The following CELF4 variants were observed in gnomAD, a reference collection of about 807,000 sequenced individuals.
CELF4 encodes CUGBP Elav-like family member 4, also known as CUG-BP- and ETR-3-like factor 4.
Under a neutral mutation model 59.9 loss-of-function variants are expected in CELF4, and 18 were observed. The observed-to-expected ratio is 0.30, with a 90% confidence interval of 0.21 to 0.45. The LOEUF (loss-of-function observed/expected upper bound fraction) is 0.45, where lower values mean the gene tolerates loss of function less well. Ranked by LOEUF, CELF4 falls within the 20% of genes least tolerant of loss-of-function variation. CELF4 has a pLI of 1.00. For synonymous variants in CELF4, 261 were observed against 267.1 expected, an observed-to-expected ratio of 0.98 and a Z score of 0.22; for missense variants, 456 against 689.0, an observed-to-expected ratio of 0.66 and a Z score of 3.79.
At chr18:37,458,137 G>A (rs183125581) in intron 2 of CELF4, among the ~76,000 whole-genome samples, 7 of 152,296 alleles carry the variant, frequency 4.6e-5, no homozygotes, top group Non-Finnish European at 7.4e-5. Context: ...GCCCTTTCCC[G>A]GGACGGCTAA....
At chr18:37,262,411 G>A (rs1353386173) in intron 10 of CELF4, among the ~76,000 whole-genome samples, 1 of 152,026 alleles carries the variant, frequency 6.6e-6, no homozygotes, top group Non-Finnish European at 1.5e-5. Flanking sequence ...GGGGAGGGGG[G>A]GGCAGGAATT....
At chr18:37,428,054 G>C (rs1415498291) in intron 2 of CELF4, among the ~76,000 whole-genome samples, 1 of 152,248 alleles carries the variant, frequency 6.6e-6, no homozygotes, top group Non-Finnish European at 1.5e-5. Context: ...AAGTATGTCT[G>C]TCCATGTTCT....
intron 2 of CELF4, among the ~76,000 whole-genome samples, chr18:37,375,876 G>A (rs927469581): frequency 1.9e-4 from 29 of 152,244 alleles, no homozygotes; most frequent in Middle Eastern, 3.4e-3. Context: ...GGCCTGGGGA[G>A]CCTTCCCCAT....
At chr18:37,345,855 C>T (rs903993447) in intron 2 of CELF4, among the ~76,000 whole-genome samples, 23 of 152,072 alleles carry the variant, frequency 1.5e-4, no homozygotes, top group African/African-American at 5.6e-4. Flanking sequence ...CTTAGCACTC[C>T]CAAAACCACC....
intron 3 of CELF4, among the ~76,000 whole-genome samples, chr18:37,294,096 T>G (rs1352365039): frequency 1.3e-5 from 2 of 152,090 alleles, no homozygotes; most frequent in Non-Finnish European, 2.9e-5. Flanking sequence ...GGGAAGCTGT[T>G]GAATATCTGT....
intron 3 of CELF4, among the ~76,000 whole-genome samples, chr18:37,318,642 C>T (rs947031137): frequency 9.6e-6 from 1 of 104,276 alleles, no homozygotes; most frequent in Non-Finnish European, 1.8e-5. Context: ...CCCCCCCCCC[C>T]ACTTTCTACT....
rs59529258 is a variant in CELF4 at position 37,516,811 on chromosome 18, G to A, written c.287-31204C>T. 2.0e-3 allele frequency among the ~76,000 whole-genome samples: 309 copies of A among 152,312 alleles called. 3 individuals are homozygous for A. The highest frequency in any genetic ancestry group is 6.8e-3 in the Middle Eastern group (2 of 294). On this transcript the variant is annotated intron_variant, in intron 1 of 12. Transcript: ENST00000420428. ...CTCACCCCCACAGCTGGCATGGGGCGCTGGCTCCCAACAACTGCGCTCCTT... is the reference window on the plus strand; with the variant it reads ...CTCACCCCCACAGCTGGCATGGGGCACTGGCTCCCAACAACTGCGCTCCTT...
chr18:37,246,364 G>A lies in CELF4; in HGVS notation c.*45-1167C>T, dbSNP rs1220584260. Among the ~76,000 whole-genome samples, 5 of 152,030 alleles carry A rather than the reference G, an allele frequency of 3.3e-5. 1 individual carries two copies. In the South Asian group the frequency reaches 8.3e-4, roughly 25 times the overall value. ...AGTTGTAAACAAAAAGGTGCATTTT[G>A]CTTTTGTTAGTACTGTTTCTTCCAA... On this transcript the variant is annotated intron_variant, in intron 12 of 12. Transcript: ENST00000420428. The surrounding 1 kb of genome is among the most constrained non-coding windows in gnomAD (Gnocchi z 5.3).
intron 2 of CELF4, among the ~76,000 whole-genome samples, chr18:37,354,787 G>A (rs201251588): frequency 2.6e-5 from 4 of 152,128 alleles, no homozygotes; most frequent in East Asian, 1.9e-4. Context: ...TTCCTGCCCC[G>A]CAAGGAGCCA....
intron 2 of CELF4, among the ~76,000 whole-genome samples, chr18:37,455,123 C>T (rs1407506932): frequency 2.0e-5 from 3 of 152,202 alleles, no homozygotes; most frequent in Admixed American, 1.3e-4. Context: ...CTTTTGGATA[C>T]GAGAGCCTTT....
intron 2 of CELF4, among the ~76,000 whole-genome samples, chr18:37,409,728 G>A (rs1200417027): frequency 6.6e-6 from 1 of 152,108 alleles, no homozygotes; most frequent in Non-Finnish European, 1.5e-5. Context: ...TGGTAGGGAG[G>A]GGACAGAAGT....
intron 2 of CELF4, among the ~76,000 whole-genome samples, chr18:37,385,932 C>T (rs762225016): frequency 6.6e-6 from 1 of 152,238 alleles, no homozygotes; most frequent in Non-Finnish European, 1.5e-5. Context: ...ATACTACACT[C>T]ATAGTGCTCA....
chr18:37,287,130 C>G (rs934102717), intron 3 of CELF4, among the ~76,000 whole-genome samples: 3 of 152,128 alleles, frequency 2.0e-5, no homozygotes, highest in African/African-American at 7.2e-5. Flanking sequence ...GGCTGGCCCC[C>G]GAGATACGGA....
At chr18:37,340,982 C>T (rs1425279952) in intron 2 of CELF4, among the ~76,000 whole-genome samples, 2 of 152,208 alleles carry the variant, frequency 1.3e-5, no homozygotes, top group African/African-American at 4.8e-5. Flanking sequence ...GCCATTCATA[C>T]AGGAAATGCC....
At chr18:37,377,836 G>A (rs1225628434) in intron 2 of CELF4, among the ~76,000 whole-genome samples, 2 of 152,158 alleles carry the variant, frequency 1.3e-5, no homozygotes, top group African/African-American at 2.4e-5. Flanking sequence ...AGGAAAGTGG[G>A]TTTCTGGGAT....
chr18:37,290,378 C>T (rs1003702070), intron 3 of CELF4, among the ~76,000 whole-genome samples: 4 of 152,156 alleles, frequency 2.6e-5, no homozygotes, highest in East Asian at 1.9e-4. Context: ...CATTTAAAAG[C>T]GTTGCTGAAT....
At chr18:37,285,011 C>A (rs1449589410) in intron 3 of CELF4, among the ~76,000 whole-genome samples, 1 of 152,204 alleles carries the variant, frequency 6.6e-6, no homozygotes, top group Admixed American at 6.5e-5. Context: ...CTCCACCCCT[C>A]CATCTCTGCA....
At chr18:37,508,400 T>C (rs750905780) in intron 1 of CELF4, among the ~76,000 whole-genome samples, 12 of 152,220 alleles carry the variant, frequency 7.9e-5, no homozygotes, top group Non-Finnish European at 1.6e-4. Context: ...GCTGTGCTAA[T>C]TGCCTGACAG....
chr18:37,548,682 C>T (rs1276695643), intron 1 of CELF4, among the ~76,000 whole-genome samples: 1 of 152,186 alleles, frequency 6.6e-6, no homozygotes, highest in African/African-American at 2.4e-5. Flanking sequence ...CTCATATGAT[C>T]CTCACAATGA....
Sources: gnomAD v4.1 joint callset for allele counts (sites outside exome capture counted in the v4.1 genomes callset) on GRCh38, gnomAD v4.1.1 for gene constraint, Gnocchi (gnomAD v3.1) non-coding constraint, MANE v1.5 for transcripts, NCBI Gene and HGNC (gene_info 2026-07-23, HGNC 2026-07-21) for gene names.